PGAP2: variants seen among roughly 807,000 people sequenced by gnomAD.
PGAP2 encodes post-GPI attachment to proteins 2, also known as acyltransferase PGAP2.
PGAP2 carries 21 observed loss-of-function variants against 33.2 expected under a neutral mutation model. That is an observed-to-expected ratio of 0.63 (90% CI 0.45 to 0.91). The LOEUF is 0.91. PGAP2 is among the 40% of genes least tolerant of loss of function. The probability of loss-of-function intolerance (pLI) is 0.00; values close to 1 mark genes in which losing one functional copy is unlikely to be tolerated. For synonymous variants in PGAP2, 161 were observed against 172.9 expected, an observed-to-expected ratio of 0.93 and a Z score of 0.54; for missense variants, 345 against 424.0, an observed-to-expected ratio of 0.81 and a Z score of 1.64.
At position 3,817,739 on chromosome 11, in the gene PGAP2, AGAT is replaced by A. The variant is rs535779435; in HGVS notation, c.348+211_348+213del. On this transcript the variant is annotated intron_variant, in intron 3 of 6. Coordinates refer to ENST00000278243, the MANE Select transcript of PGAP2 (RefSeq NM_014489.4). ...GAATCACAGTCCTCCCTGAGTTGGA[AGAT>A]GATGATAGAAATGCAAGGGAGATGA... 8 of 691,466 alleles carry A rather than the reference AGAT, an allele frequency of 1.2e-5. No homozygotes were observed. In the East Asian group the frequency reaches 1.4e-4, roughly 12 times the overall value. The allele number at this position is 691,466 out of a possible 1,614,324, so 42.8% of individuals were successfully genotyped here.
chr11:3,825,485 C>T lies in PGAP2; in HGVS notation c.*27C>T. 1 of 1,605,834 alleles carries T rather than the reference C, an allele frequency of 6.2e-7. No homozygotes were observed. Among genetic ancestry groups the T allele is most frequent in the Non-Finnish European group, 8.5e-7 (1 of 1,176,514 alleles). ...CCCTTCAGTCCTGCTTGGGAGGACG[C>T]AGCCCACTGCCCAGAAACAAGAAAC... On this transcript the variant is annotated 3_prime_UTR_variant, in exon 7 of 7. Coordinates refer to ENST00000278243, the MANE Select transcript of PGAP2 (RefSeq NM_014489.4).
exon 1 of PGAP2, chr11:3,797,821 G>A (rs781099258): frequency 1.9e-6 from 3 of 1,549,266 alleles, no homozygotes; most frequent in Non-Finnish European, 2.6e-6. Context: ...CGTCACACAG[G>A]GCCTCTCGAA....
intron 3 of PGAP2, among the ~76,000 whole-genome samples, chr11:3,819,104 A>G (rs1484076446): frequency 2.0e-5 from 3 of 152,216 alleles, no homozygotes; most frequent in East Asian, 1.9e-4. Context: ...GCGGGAGTAC[A>G]GTGACCTGAT....
At position 3,824,364 on chromosome 11, in the gene PGAP2, A is replaced by G. The variant is rs2089590508; in HGVS notation, c.696A>G (p.Thr232=). 6.2e-7 allele frequency: 1 copy of G among 1,614,224 alleles called. No homozygotes were observed. The highest frequency in any genetic ancestry group is 1.3e-5 in the African/African-American group (1 of 75,068). ...TCTGGCGGTTGACCAAGAAGCACAC[A>G]GTAAGTCAGGAGGTACGGTCTATCC... is the stretch of plus-strand genomic sequence containing the variant. ...CILWRLTKKH[T]VSQEDRKSYS... Residue 232 remains threonine, a synonymous_variant, in exon 5 of 7, where the codon ACA becomes ACG. Transcript: ENST00000278243.
chr11:3,798,152 G>T, intron 1 of PGAP2: 3 of 1,428,418 alleles, frequency 2.1e-6, no homozygotes, highest in Non-Finnish European at 2.7e-6. Context: ...CCTAAATCCT[G>T]ACCCTATTCT....
rs1401001324 is a variant in PGAP2, at chr11:3,824,256, C to T, written c.602-14C>T. ...ACTCCCTGCAATGTGGCTCCCAATCCTCTTTCCCTCCAGCCATCCACGAAA... is the reference window on the plus strand; with the variant it reads ...ACTCCCTGCAATGTGGCTCCCAATCTTCTTTCCCTCCAGCCATCCACGAAA... On this transcript the variant is annotated splice_polypyrimidine_tract_variant and intron_variant, in intron 4 of 6. Transcript: ENST00000278243. The T allele has an allele frequency of 1.9e-6, 3 of 1,614,174 alleles. No individual in the cohort carries two copies. Among genetic ancestry groups the T allele is most frequent in the Non-Finnish European group, 2.5e-6 (3 of 1,179,998 alleles).
intron 3 of PGAP2, chr11:3,822,932 C>G: frequency 6.5e-7 from 1 of 1,541,068 alleles, no homozygotes; most frequent in Non-Finnish European, 8.8e-7. Context: ...ATAGGAGTTC[C>G]AGGCATTAAG....
At chr11:3,815,756 G>A (rs1417982780) in intron 2 of PGAP2, among the ~76,000 whole-genome samples, 1 of 152,202 alleles carries the variant, frequency 6.6e-6, no homozygotes, top group Non-Finnish European at 1.5e-5. Flanking sequence ...GGCAGCCTGA[G>A]CTGCTATTAG....
chr11:3,822,312 C>T (rs904103741), intron 3 of PGAP2, among the ~76,000 whole-genome samples: 13 of 152,166 alleles, frequency 8.5e-5, no homozygotes, highest in African/African-American at 2.2e-4. Context: ...TGCAGTGAGC[C>T]AAGATCGCGC....
Position 3,808,598 on chromosome 11 carries a change from C to A in PGAP2, c.-64C>A. The A allele has an allele frequency of 7.5e-7, 1 of 1,338,978 alleles. No individual in the cohort carries two copies. The highest frequency in any genetic ancestry group is 9.6e-7 in the Non-Finnish European group (1 of 1,045,130). 82.9% of individuals were successfully genotyped at this position (1,338,978 alleles called of 1,614,324 possible). A position where few individuals can be genotyped will look rare whatever the true frequency, so the allele number is the denominator to read the frequency against. On this transcript the variant is annotated 5_prime_UTR_variant, in exon 1 of 7. Transcript: ENST00000278243. The stretch of plus-strand genomic sequence containing the variant: ...CCAGCCCGCAGAGCCAGCCCCCGAC[C>A]CCGGGCCACCTGGGCCCCCGGGTTC...
rs913778383 is a variant in PGAP2, at chr11:3,817,471, T to G, written c.284T>G (p.Phe95Cys). The change falls in exon 3 of 7, where the codon TTC becomes TGC. Residue 95 changes from phenylalanine (F) to cysteine (C), a missense_variant. Transcript: ENST00000278243. ...WWAITFPVFG[F>C]FFCIIWSLVF... is the part of the protein sequence containing the mutation. ...GCCATCACTTTTCCTGTGTTCGGCT[T>G]CTTCTTCTGCATCATCTGGTCCCTG... The G allele has an allele frequency of 6.8e-6, 11 of 1,614,156 alleles. No individual in the cohort carries two copies. The highest frequency in any genetic ancestry group is 2.2e-5 in the South Asian group (2 of 91,080).
chr11:3,821,831 G>C (rs1279749348), intron 3 of PGAP2, among the ~76,000 whole-genome samples: 2 of 131,366 alleles, frequency 1.5e-5, no homozygotes, highest in Non-Finnish European at 1.5e-5. Flanking sequence ...GAGAGGCCGA[G>C]GGGGGTGGAT....
chr11:3,822,161 G>C (rs1309511276), intron 3 of PGAP2, among the ~76,000 whole-genome samples: 1 of 151,440 alleles, frequency 6.6e-6, no homozygotes, highest in South Asian at 2.1e-4. Flanking sequence ...TCAGGAGATT[G>C]AGACCATCCT....
Position 3,809,598 on chromosome 11 carries a change from C to T in PGAP2, c.-11+947C>T, listed in dbSNP as rs577604398. Reference sequence around the variant, plus strand: ...GAGCTGCAGCCTTCAGGGAGGGATACTGGGAGGGAAGACTAGTGCTACTGC... The same window carrying T: ...GAGCTGCAGCCTTCAGGGAGGGATATTGGGAGGGAAGACTAGTGCTACTGC... On this transcript the variant is annotated intron_variant, in intron 1 of 6. Coordinates refer to ENST00000278243, the MANE Select transcript of PGAP2 (RefSeq NM_014489.4). Among the ~76,000 whole-genome samples, 238 of 152,306 alleles carry T rather than the reference C, an allele frequency of 1.6e-3. 2 individuals carry two copies. The highest frequency in any genetic ancestry group is 0.01 in the Middle Eastern group (3 of 294).
At chr11:3,800,950 TG>T (rs1257238066) in intron 1 of PGAP2, among the ~76,000 whole-genome samples, 1 of 149,984 alleles carries the variant, frequency 6.7e-6, no homozygotes, top group East Asian at 2.0e-4. Flanking sequence ...CTGGCCAACA[TG>T]GTGAAACCCT....
At chr11:3,800,890 T>C (rs2083346297) in intron 1 of PGAP2, among the ~76,000 whole-genome samples, 2 of 151,938 alleles carry the variant, frequency 1.3e-5, no homozygotes, top group Admixed American at 6.6e-5. Context: ...CCCAGCACTT[T>C]TGGAGGCTGA....
chr11:3,808,090 G>C, upstream of PGAP2: 1 of 1,446,164 alleles, frequency 6.9e-7, no homozygotes, highest in Non-Finnish European at 9.1e-7. Flanking sequence ...CTGCAAAGGT[G>C]CTCTTCCCAT....
chr11:3,824,886 C>A, intron 5 of PGAP2, 134 bp from the exon 6 acceptor site: 1 of 1,485,566 alleles, frequency 6.7e-7, no homozygotes, highest in Non-Finnish European at 8.9e-7. Context: ...GCTGCCCCTG[C>A]CTGTGCTCCC....
chr11:3,814,760 C>CT (rs1206314082), intron 2 of PGAP2, among the ~76,000 whole-genome samples: 84 of 74,378 alleles, frequency 1.1e-3, no homozygotes, highest in Middle Eastern at 0.013. Flanking sequence ...TTCTTTCTTT[C>CT]TTTCTTTCTT....
Sources: allele counts gnomAD v4.1 joint callset (sites outside exome capture counted in the v4.1 genomes callset), GRCh38; gene constraint gnomAD v4.1.1; transcripts MANE v1.5; gene names NCBI Gene and HGNC (gene_info 2026-07-23, HGNC 2026-07-21).